Variants in DLGAP1 observed in about 807,000 individuals in gnomAD.
DLGAP1 encodes the protein disks large-associated protein 1.
In DLGAP1, 11 loss-of-function variants were observed where a neutral mutation model predicts 90.8. The observed-to-expected ratio is 0.12, with a 90% CI of 0.08 to 0.20. The LOEUF (loss-of-function observed/expected upper bound fraction) is 0.20, where lower values mean the gene tolerates loss of function less well. Among genes scored for constraint, DLGAP1 ranks in the 10% least tolerant of loss-of-function variants. The pLI is 1.00. For missense variants in DLGAP1, 1,050 were observed against 1,333.8 expected (o/e 0.79, Z 3.31); for synonymous variants, 558 against 540.7 (o/e 1.03, Z -0.44).
chr18:4,308,680 A>G (rs1194790767), intron 1 of DLGAP1, among the ~76,000 whole-genome samples: 2 of 152,240 alleles, frequency 1.3e-5, no homozygotes, highest in Non-Finnish European at 2.9e-5. Context: ...TGGTACAAAT[A>G]GTAGTAGGTC....
At chr18:3,627,895 T>C (rs1400717991) in intron 7 of DLGAP1, among the ~76,000 whole-genome samples, 1 of 114,306 alleles carries the variant, frequency 8.7e-6, no homozygotes, top group Non-Finnish European at 1.8e-5. Context: ...TTTTTTTTTT[T>C]GAGATGGAGT....
chr18:3,611,839 A>G (rs1791379), intron 7 of DLGAP1, among the ~76,000 whole-genome samples: 123,743 of 152,258 alleles, frequency 0.81, 50,905 homozygotes, highest in African/African-American at 0.95. Flanking sequence ...CAGCTGGGGT[A>G]GAGAGCAGGG....
chr18:3,811,183 C>T (rs537703701), intron 5 of DLGAP1, among the ~76,000 whole-genome samples: 31 of 152,000 alleles, frequency 2.0e-4, no homozygotes, highest in Non-Finnish European at 4.1e-4. Context: ...ACTGTAATGA[C>T]AAAGGGAACT....
intron 7 of DLGAP1, among the ~76,000 whole-genome samples, chr18:3,595,804 C>T (rs1178310356): frequency 7.1e-6 from 1 of 141,178 alleles, no homozygotes; most frequent in East Asian, 2.2e-4. Flanking sequence ...TGCCCTGTTA[C>T]ATCTGTTAGG....
intron 1 of DLGAP1, among the ~76,000 whole-genome samples, chr18:4,451,931 G>A (rs998816410): frequency 6.6e-6 from 1 of 152,164 alleles, no homozygotes; most frequent in Non-Finnish European, 1.5e-5. Flanking sequence ...GGGGAAACGT[G>A]TTTAGGTTTT....
chr18:3,822,987 T>C (rs2067505295), intron 4 of DLGAP1, among the ~76,000 whole-genome samples: 1 of 152,164 alleles, frequency 6.6e-6, no homozygotes, highest in African/African-American at 2.4e-5. Context: ...ATTAAGATTC[T>C]AGTATGATGT....
intron 10 of DLGAP1, among the ~76,000 whole-genome samples, chr18:3,513,954 T>C (rs1724571767): frequency 6.6e-6 from 1 of 152,218 alleles, no homozygotes; most frequent in South Asian, 2.1e-4. Context: ...ATGGCAAAGC[T>C]GCAAGGAGTT....
intron 1 of DLGAP1, among the ~76,000 whole-genome samples, chr18:4,227,857 C>A (rs2078224411): frequency 6.6e-6 from 1 of 150,530 alleles, no homozygotes; most frequent in Non-Finnish European, 1.5e-5. Flanking sequence ...AAGGTTAGAG[C>A]AAAAATTAAT....
At chr18:3,533,700 G>A (rs931639378) in intron 10 of DLGAP1, among the ~76,000 whole-genome samples, 2 of 152,102 alleles carry the variant, frequency 1.3e-5, no homozygotes, top group Non-Finnish European at 2.9e-5. Context: ...TCAGTCTCTC[G>A]AAGAGCTGGG....
intron 7 of DLGAP1, among the ~76,000 whole-genome samples, chr18:3,600,871 TAG>T (rs2056926853): frequency 3.3e-5 from 2 of 61,052 alleles, no homozygotes; most frequent in South Asian, 4.8e-4. Context: ...TATAGATATA[TAG>T]ATATATAGAT....
chr18:4,078,109 C>A (rs2075551379), intron 2 of DLGAP1, among the ~76,000 whole-genome samples: 2 of 152,204 alleles, frequency 1.3e-5, no homozygotes, highest in South Asian at 4.2e-4. Context: ...AAGGGGACCT[C>A]TTCTCAGGGA....
At chr18:3,801,188 A>G (rs758409440) in intron 5 of DLGAP1, among the ~76,000 whole-genome samples, 16 of 152,170 alleles carry the variant, frequency 1.1e-4, no homozygotes, top group Non-Finnish European at 2.2e-4. Flanking sequence ...ATCCGCCCCC[A>G]AGACCCAAAC....
intron 5 of DLGAP1, among the ~76,000 whole-genome samples, chr18:3,803,957 CATATATATAT>C (rs33952757): frequency 0.024 from 2,001 of 83,878 alleles, 39 homozygotes; most frequent in African/African-American, 0.048. Flanking sequence ...TATGTAGGTT[CATATATATAT>C]ATATATATAT....
At chr18:4,314,420 G>A (rs2080476552) in intron 1 of DLGAP1, among the ~76,000 whole-genome samples, 2 of 152,176 alleles carry the variant, frequency 1.3e-5, no homozygotes, top group South Asian at 4.2e-4. Flanking sequence ...TTTATTCCTT[G>A]ACTCAAATAT....
intron 1 of DLGAP1, among the ~76,000 whole-genome samples, chr18:4,393,559 C>T (rs1048516686): frequency 6.6e-6 from 1 of 152,200 alleles, no homozygotes; most frequent in African/African-American, 2.4e-5. Context: ...TATTCTGGAT[C>T]TCAACCATAG....
chr18:4,311,221 G>A (rs1342536289), intron 1 of DLGAP1, among the ~76,000 whole-genome samples: 1 of 151,842 alleles, frequency 6.6e-6, no homozygotes, highest in Admixed American at 6.6e-5. Flanking sequence ...ATACTGACTT[G>A]AGCAGAACTA....
At chr18:3,730,495 T>G (rs1251375076) in intron 6 of DLGAP1, among the ~76,000 whole-genome samples, 1 of 152,216 alleles carries the variant, frequency 6.6e-6, no homozygotes, top group African/African-American at 2.4e-5. Context: ...TTCTCACTTT[T>G]TAGTTGACTT....
intron 1 of DLGAP1, among the ~76,000 whole-genome samples, chr18:4,389,298 G>A (rs534817578): frequency 6.6e-5 from 10 of 152,292 alleles, no homozygotes; most frequent in Admixed American, 2.6e-4. Flanking sequence ...TAAATGAAGT[G>A]TCTAGAATAG....
intron 7 of DLGAP1, among the ~76,000 whole-genome samples, chr18:3,611,176 AT>A (rs1165560012): frequency 6.6e-6 from 1 of 151,654 alleles, no homozygotes; most frequent in East Asian, 1.9e-4. Context: ...AATTTACTAT[AT>A]GTTTGTTTTA....
Sources: gnomAD v4.1 joint callset for allele counts (sites outside exome capture counted in the v4.1 genomes callset) on GRCh38, gnomAD v4.1.1 for gene constraint, MANE v1.5 for transcripts, NCBI Gene and HGNC (gene_info 2026-07-23, HGNC 2026-07-21) for gene names.